Variants in DLG2 observed in about 807,000 individuals in gnomAD.
DLG2 encodes the protein discs large MAGUK scaffold protein 2.
In DLG2, 45 loss-of-function variants were observed where a neutral mutation model predicts 132.5. The observed-to-expected ratio is 0.34, with a 90% confidence interval of 0.27 to 0.44. The LOEUF is 0.44. DLG2 is among the 20% of genes least tolerant of loss of function. The pLI, the probability that DLG2 is intolerant of heterozygous loss-of-function variation, is 1.00. For missense variants in DLG2, 1,045 were observed against 1,196.9 expected (o/e 0.87, Z 1.87); for synonymous variants, 424 against 419.6 (o/e 1.01, Z -0.13).
intron 4 of DLG2, among the ~76,000 whole-genome samples, chr11:85,240,955 C>T (rs996677753): frequency 6.6e-6 from 1 of 151,246 alleles, no homozygotes; most frequent in Admixed American, 6.6e-5. Flanking sequence ...CAAAAGAAAC[C>T]TGTTAAATTT....
chr11:85,604,204 G>A (rs1375907752), intron 2 of DLG2, among the ~76,000 whole-genome samples: 1 of 152,142 alleles, frequency 6.6e-6, no homozygotes, highest in Non-Finnish European at 1.5e-5. Context: ...ATTTTTAAAA[G>A]GTCGTATATA....
At chr11:85,622,415 CCT>C (rs1565776487) in intron 2 of DLG2, among the ~76,000 whole-genome samples, 5 of 151,842 alleles carry the variant, frequency 3.3e-5, no homozygotes, top group Admixed American at 2.6e-4. Context: ...ACATATTCCC[CCT>C]CTTATTGATT....
At chr11:84,805,433 C>T (rs189898081) in intron 6 of DLG2, among the ~76,000 whole-genome samples, 73 of 152,176 alleles carry the variant, frequency 4.8e-4, no homozygotes, top group African/African-American at 1.7e-3. Context: ...TTTAGATCTG[C>T]GTCTCCACCC....
intron 3 of DLG2, among the ~76,000 whole-genome samples, chr11:85,517,612 CTT>C (rs532793481): frequency 9.0e-5 from 13 of 144,928 alleles, no homozygotes; most frequent in African/African-American, 5.0e-5. Context: ...TTTCTTTCTT[CTT>C]TTTTTTTTTT....
chr11:84,096,496 A>G (rs1260240137), intron 10 of DLG2, among the ~76,000 whole-genome samples: 1 of 152,218 alleles, frequency 6.6e-6, no homozygotes, highest in Non-Finnish European at 1.5e-5. Context: ...TCTTAATTGT[A>G]GAGCAAACAT....
chr11:84,914,718 T>C (rs1209220177), intron 6 of DLG2, among the ~76,000 whole-genome samples: 1 of 152,218 alleles, frequency 6.6e-6, no homozygotes, highest in African/African-American at 2.4e-5. Flanking sequence ...TAAGCATTGG[T>C]GCCTGAGCCT....
intron 6 of DLG2, among the ~76,000 whole-genome samples, chr11:84,592,604 C>T (rs2099546071): frequency 1.3e-5 from 2 of 151,876 alleles, no homozygotes; most frequent in Admixed American, 1.3e-4. Context: ...CTACAAGGAA[C>T]TTAAACAAAT....
rs56323323 is a variant in DLG2 at position 84,004,947 on chromosome 11, CAA to C, written c.920-24307_920-24306del. Among the ~76,000 whole-genome samples the C allele has an allele frequency of 4.1e-3, 565 of 138,062 alleles. 5 individuals are homozygous for C. Among genetic ancestry groups the C allele is most frequent in the African/African-American group, 0.012 (432 of 37,386 alleles). 90.6% of individuals were successfully genotyped at this position (138,062 alleles called of 152,430 possible). ...AAGAATTCTAAAATTTATATAGAATCAAAAAAAAAAAAGAGCCAGAATAGCTG... is the reference window on the plus strand; with the variant it reads ...AAGAATTCTAAAATTTATATAGAATCAAAAAAAAAAGAGCCAGAATAGCTG... On this transcript the variant is annotated intron_variant, in intron 11 of 27. Transcript: ENST00000376104.
chr11:83,726,300 A>C (rs1290647044), intron 18 of DLG2, among the ~76,000 whole-genome samples: 1 of 152,170 alleles, frequency 6.6e-6, no homozygotes, highest in African/African-American at 2.4e-5. Context: ...TGGGATTGAA[A>C]GCTGTGGAAG....
chr11:84,389,341 T>C (rs7130145), intron 7 of DLG2, among the ~76,000 whole-genome samples: 1 of 152,044 alleles, frequency 6.6e-6, no homozygotes, highest in South Asian at 2.1e-4. Context: ...CTGATGTTTT[T>C]AAACTTCTGT....
intron 11 of DLG2, among the ~76,000 whole-genome samples, chr11:83,981,429 A>AAATT (rs536086486): frequency 4.8e-4 from 73 of 152,174 alleles, no homozygotes; most frequent in African/African-American, 1.5e-3. Context: ...GAATGTTAAA[A>AAATT]AATTAATTAA....
At chr11:84,953,287 C>CA (rs2051197862) in intron 6 of DLG2, among the ~76,000 whole-genome samples, 1 of 152,128 alleles carries the variant, frequency 6.6e-6, no homozygotes, top group African/African-American at 2.4e-5. Context: ...TTTCTCCAGC[C>CA]ATATCTTCTG....
chr11:85,148,781 T>C (rs563490908), intron 5 of DLG2, among the ~76,000 whole-genome samples: 2 of 152,354 alleles, frequency 1.3e-5, no homozygotes, highest in Non-Finnish European at 2.9e-5. Flanking sequence ...ATTTTGGCTT[T>C]TGTTGCTATT....
chr11:85,435,426 C>G (rs2091425861), intron 3 of DLG2, among the ~76,000 whole-genome samples: 1 of 152,030 alleles, frequency 6.6e-6, no homozygotes, highest in Non-Finnish European at 1.5e-5. Flanking sequence ...TCGTCTCAGC[C>G]CAAAATCTCC....
At chr11:83,934,413 TTAAAG>T (rs1456569496) in intron 14 of DLG2, among the ~76,000 whole-genome samples, 2 of 152,200 alleles carry the variant, frequency 1.3e-5, no homozygotes, top group African/African-American at 4.8e-5. Flanking sequence ...AAATATTTCA[TTAAAG>T]TATTTTTGTC....
At chr11:83,610,482 A>C (rs2059960458) in intron 19 of DLG2, among the ~76,000 whole-genome samples, 1 of 152,224 alleles carries the variant, frequency 6.6e-6, no homozygotes, top group Non-Finnish European at 1.5e-5. Context: ...ACGAGAAGTA[A>C]ACAAAGCAAA....
At chr11:84,106,833 GTGTGTGTGTT>G (rs2092954426) in intron 9 of DLG2, among the ~76,000 whole-genome samples, 1 of 142,068 alleles carries the variant, frequency 7.0e-6, no homozygotes, top group South Asian at 2.3e-4. Context: ...GTGTGTGTGT[GTGTGTGTGTT>G]TGAGTGAGTG....
intron 19 of DLG2, among the ~76,000 whole-genome samples, chr11:83,572,157 AAAAT>A (rs2096807116): frequency 6.6e-6 from 1 of 152,100 alleles, no homozygotes; most frequent in South Asian, 2.1e-4. Flanking sequence ...AAAAATATTT[AAAAT>A]AAAGAATCTT....
intron 8 of DLG2, among the ~76,000 whole-genome samples, chr11:84,209,432 C>G (rs991364597): frequency 2.0e-5 from 3 of 152,066 alleles, no homozygotes; most frequent in African/African-American, 7.2e-5. Flanking sequence ...AATAGGAACA[C>G]TGGTGGAATC....
Sources: allele counts gnomAD v4.1 joint callset (sites outside exome capture counted in the v4.1 genomes callset), GRCh38; gene constraint gnomAD v4.1.1; transcripts MANE v1.5; gene names NCBI Gene and HGNC (gene_info 2026-07-23, HGNC 2026-07-21).